Variants in SCFD2 observed in about 807,000 individuals in gnomAD.
SCFD2 encodes the protein sec1 family domain-containing protein 2.
SCFD2 carries 54 observed loss-of-function variants against 58.9 expected under a neutral mutation model. The ratio of observed to expected loss-of-function variants is 0.92; its 90% CI spans 0.74 to 1.15. SCFD2 has a LOEUF of 1.15. SCFD2 is among the 50% of genes most tolerant of loss of function. The pLI, the probability that SCFD2 is intolerant of heterozygous loss-of-function variation, is 0.00. For missense variants in SCFD2, 805 were observed against 836.6 expected (o/e 0.96, Z 0.47); for synonymous variants, 321 against 335.9 (o/e 0.96, Z 0.49).
At chr4:53,166,220 T>A (rs1224912069) in intron 4 of SCFD2, among the ~76,000 whole-genome samples, 1 of 152,258 alleles carries the variant, frequency 6.6e-6, no homozygotes, top group Non-Finnish European at 1.5e-5. Flanking sequence ...TCGTGAATAA[T>A]GCTGCTATAA....
chr4:52,933,455 T>C (rs1017048309), intron 5 of SCFD2, among the ~76,000 whole-genome samples: 2 of 152,234 alleles, frequency 1.3e-5, no homozygotes, highest in Non-Finnish European at 2.9e-5. Context: ...AGGCTTTCAC[T>C]TGTTTCTGTG....
intron 5 of SCFD2, among the ~76,000 whole-genome samples, chr4:53,006,425 C>T (rs1210714524): frequency 5.9e-5 from 9 of 152,276 alleles, no homozygotes; most frequent in Middle Eastern, 3.4e-3. Context: ...AAAATAGGGG[C>T]AATATTGCCA....
intron 4 of SCFD2, among the ~76,000 whole-genome samples, chr4:53,219,046 C>G (rs1217368291): frequency 6.6e-6 from 1 of 152,228 alleles, no homozygotes; most frequent in Non-Finnish European, 1.5e-5. Flanking sequence ...CAGTCTGCCC[C>G]TACTAGAGGG....
intron 2 of SCFD2, among the ~76,000 whole-genome samples, chr4:53,319,034 T>C (rs147915873): frequency 2.0e-5 from 3 of 152,316 alleles, no homozygotes; most frequent in African/African-American, 4.8e-5. Flanking sequence ...TACTATACCA[T>C]GCCATGCTTA....
intron 5 of SCFD2, among the ~76,000 whole-genome samples, chr4:53,108,964 T>C (rs1725087874): frequency 6.6e-6 from 1 of 152,106 alleles, no homozygotes; most frequent in African/African-American, 2.4e-5. Context: ...GAGAAAATCC[T>C]CAATAAAATA....
At chr4:53,207,764 C>G (rs1039748937) in intron 4 of SCFD2, among the ~76,000 whole-genome samples, 23 of 143,278 alleles carry the variant, frequency 1.6e-4, no homozygotes, top group African/African-American at 6.0e-4. Context: ...GTAGCACCTC[C>G]TCCTTCTCTC....
At chr4:53,152,275 A>G (rs1001356813) in intron 4 of SCFD2, among the ~76,000 whole-genome samples, 1 of 152,144 alleles carries the variant, frequency 6.6e-6, no homozygotes, top group Non-Finnish European at 1.5e-5. Context: ...GCACATATAC[A>G]TGTACTCAGC....
intron 5 of SCFD2, among the ~76,000 whole-genome samples, chr4:52,944,318 T>C (rs1720367058): frequency 1.3e-5 from 2 of 152,148 alleles, no homozygotes; most frequent in African/African-American, 4.8e-5. Context: ...ATGTCTCTGG[T>C]TGTGGGAGAA....
chr4:52,998,948 A>G (rs868274127), intron 5 of SCFD2, among the ~76,000 whole-genome samples: 4 of 152,188 alleles, frequency 2.6e-5, no homozygotes, highest in Admixed American at 1.3e-4. Flanking sequence ...ATAAACCCTC[A>G]TCTGGGGCAA....
rs116710135 is a variant in SCFD2, at chr4:52,874,246, G to T, written c.1963-185C>A. Among the ~76,000 whole-genome samples, 232 of 152,016 alleles carry T rather than the reference G, an allele frequency of 1.5e-3. 1 individual carries two copies. The highest frequency in any genetic ancestry group is 0.012 in the South Asian group (57 of 4,828). On this transcript the variant is annotated intron_variant, in intron 8 of 8. Coordinates refer to ENST00000401642, the MANE Select transcript of SCFD2 (RefSeq NM_152540.4). ...GCGCTAGTGCCCTGCCTGGAAGGAGGGGGGCACAGTCTGGGACAGATGGCC... is the reference window on the plus strand; with the variant it reads ...GCGCTAGTGCCCTGCCTGGAAGGAGTGGGGCACAGTCTGGGACAGATGGCC...
At chr4:53,326,649 A>G (rs1560448066) in intron 2 of SCFD2, among the ~76,000 whole-genome samples, 1 of 152,172 alleles carries the variant, frequency 6.6e-6, no homozygotes, top group Non-Finnish European at 1.5e-5. Flanking sequence ...AAAGAAAAAA[A>G]TATCTTCTCA....
chr4:53,028,506 T>G (rs1560305900), intron 5 of SCFD2, among the ~76,000 whole-genome samples: 1 of 152,184 alleles, frequency 6.6e-6, no homozygotes, highest in Non-Finnish European at 1.5e-5. Flanking sequence ...AAGGAGGAAC[T>G]ATGTCTTATT....
intron 6 of SCFD2, among the ~76,000 whole-genome samples, chr4:52,909,053 A>G (rs138339399): frequency 6.6e-6 from 1 of 152,336 alleles, no homozygotes; most frequent in East Asian, 1.9e-4. Flanking sequence ...CAAAAGTTTG[A>G]AAATACACTC....
At position 52,886,274 on chromosome 4, in the gene SCFD2, A is replaced by AGGG. The variant is rs1353333802; in HGVS notation, c.1843-409_1843-408insCCC. 4.6e-5 allele frequency among the ~76,000 whole-genome samples: 7 copies of AGGG among 152,104 alleles called. No individual in the cohort carries two copies. The East Asian group carries it at 1.4e-3, about 29-fold the overall frequency. On this transcript the variant is annotated intron_variant, in intron 7 of 8. Coordinates refer to ENST00000401642, the MANE Select transcript of SCFD2 (RefSeq NM_152540.4). ...AGCATGCACTCCCCATTCTGAGCCC[A>AGGG]TAAAAGCCCTGGACTCAGTCACACA...
intron 2 of SCFD2, among the ~76,000 whole-genome samples, chr4:53,331,944 T>G (rs1241371688): frequency 6.6e-6 from 1 of 152,136 alleles, no homozygotes; most frequent in Non-Finnish European, 1.5e-5. Flanking sequence ...AAATACAAAC[T>G]ACCATCAGAG....
chr4:53,334,654 T>G (rs1400881656), intron 2 of SCFD2, among the ~76,000 whole-genome samples: 1 of 151,512 alleles, frequency 6.6e-6, no homozygotes, highest in Non-Finnish European at 1.5e-5. Flanking sequence ...TAATGCTAGA[T>G]GACGAGTTAG....
chr4:53,044,861 C>T (rs1362481323), intron 5 of SCFD2, among the ~76,000 whole-genome samples: 2 of 148,036 alleles, frequency 1.4e-5, no homozygotes, highest in East Asian at 3.9e-4. Flanking sequence ...TGCACATAAA[C>T]TGTATCCACT....
intron 4 of SCFD2, among the ~76,000 whole-genome samples, chr4:53,235,282 C>G (rs1309678407): frequency 6.6e-6 from 1 of 152,188 alleles, no homozygotes; most frequent in East Asian, 1.9e-4. Context: ...AGAAGCCTCT[C>G]TGTCCTAACA....
intron 2 of SCFD2, among the ~76,000 whole-genome samples, chr4:53,322,846 C>T (rs1234900216): frequency 6.6e-6 from 1 of 152,176 alleles, no homozygotes; most frequent in Non-Finnish European, 1.5e-5. Flanking sequence ...GGATTGATTA[C>T]ATCTGTGTGT....
Sources: allele counts gnomAD v4.1 joint callset (sites outside exome capture counted in the v4.1 genomes callset), GRCh38; gene constraint gnomAD v4.1.1; transcripts MANE v1.5; gene names NCBI Gene and HGNC (gene_info 2026-07-23, HGNC 2026-07-21).